The following THSD7B variants were observed in gnomAD, a reference collection of about 807,000 sequenced individuals.
THSD7B encodes thrombospondin type 1 domain containing 7B, also known as thrombospondin type-1 domain-containing protein 7B.
THSD7B carries 138 observed loss-of-function variants against 213.6 expected under a neutral mutation model. That is an observed-to-expected ratio of 0.65 (90% confidence interval 0.56 to 0.74). THSD7B has a LOEUF of 0.74. THSD7B is among the 30% of genes least tolerant of loss of function. The pLI is 0.00. For missense variants in THSD7B, 1,931 were observed against 1,991.5 expected, an observed-to-expected ratio of 0.97 and a Z score of 0.58; for synonymous variants, 742 against 687.0, an observed-to-expected ratio of 1.08 and a Z score of -1.25.
intron 12 of THSD7B, among the ~76,000 whole-genome samples, chr2:137,383,043 G>T (rs1422699612): frequency 1.3e-5 from 2 of 152,186 alleles, no homozygotes; most frequent in Non-Finnish European, 2.9e-5. Context: ...ATGGTAATCT[G>T]TACCAATAGC....
rs1680720748 is a variant in THSD7B, at chr2:137,546,408, ATATATATTATATATATT to A, written c.3139-16812_3139-16796del. On this transcript the variant is annotated intron_variant, in intron 15 of 27. Transcript: ENST00000409968. ...ATATTATATATATTATATATATTAT[ATATATATTATATATATT>A]ATATATATATTATATATATTATATA... Among the ~76,000 whole-genome samples, 3 of 31,866 alleles carry A rather than the reference ATATATATTATATATATT, an allele frequency of 9.4e-5. 1 individual carries two copies. Among genetic ancestry groups the A allele is most frequent in the African/African-American group, 3.9e-4 (2 of 5,078 alleles). The allele number at this position is 31,866 out of a possible 152,430, so 20.9% of individuals were successfully genotyped here.
intron 5 of THSD7B, among the ~76,000 whole-genome samples, chr2:137,131,569 A>T (rs1688733282): frequency 6.6e-6 from 1 of 152,172 alleles, no homozygotes; most frequent in African/African-American, 2.4e-5. Flanking sequence ...AGGTGTAAGG[A>T]AGGGATCAAG....
rs70978213 is a variant in THSD7B at position 137,340,981 on chromosome 2, G to GTT, written c.2501-64614_2501-64613dup. ...TGGATCATACTCTAATTCTCTTTTT[G>GTT]TTTTTTTTTTTTTTTTTTTGAGGAA... On this transcript the variant is annotated intron_variant, in intron 12 of 27. Transcript: ENST00000409968. Among the ~76,000 whole-genome samples, 13 of 98,636 alleles carry GTT rather than the reference G, an allele frequency of 1.3e-4. 1 individual carries two copies. The highest frequency in any genetic ancestry group is 4.1e-4 in the African/African-American group (12 of 29,282). 64.7% of individuals were successfully genotyped at this position (98,636 alleles called of 152,430 possible). A position where few individuals can be genotyped will look rare whatever the true frequency, so the allele number is the denominator to read the frequency against.
intron 20 of THSD7B, among the ~76,000 whole-genome samples, chr2:137,621,939 C>A (rs898781954): frequency 1.6e-4 from 24 of 152,036 alleles, no homozygotes; most frequent in Admixed American, 1.6e-3. Context: ...GAGATCACAT[C>A]GTGAAAGAGG....
intron 18 of THSD7B, among the ~76,000 whole-genome samples, chr2:137,616,617 G>T (rs988002853): frequency 2.6e-5 from 4 of 152,136 alleles, no homozygotes; most frequent in Admixed American, 2.6e-4. Context: ...AAAATAAGTA[G>T]CAGAGAATAA....
At chr2:137,322,777 ACT>A (rs1684288959) in intron 12 of THSD7B, among the ~76,000 whole-genome samples, 1 of 152,088 alleles carries the variant, frequency 6.6e-6, no homozygotes, top group South Asian at 2.1e-4. Context: ...GCCGTAGAAT[ACT>A]CTCTAATCCA....
intron 3 of THSD7B, among the ~76,000 whole-genome samples, chr2:137,073,216 T>A (rs1190175079): frequency 6.6e-6 from 1 of 152,204 alleles, no homozygotes; most frequent in Admixed American, 6.5e-5. Flanking sequence ...AGAATTCGGC[T>A]GTGAATCCAT....
chr2:137,530,445 A>G (rs993719864), intron 15 of THSD7B, among the ~76,000 whole-genome samples: 2 of 152,024 alleles, frequency 1.3e-5, no homozygotes, highest in African/African-American at 2.4e-5. Context: ...AACAACTGAA[A>G]TGGGACTAAA....
chr2:137,548,812 G>A (rs1450122754), intron 15 of THSD7B, among the ~76,000 whole-genome samples: 7 of 152,016 alleles, frequency 4.6e-5, no homozygotes, highest in Non-Finnish European at 2.9e-5. Flanking sequence ...ACAAATGTAG[G>A]ATTTCTCTGC....
chr2:137,089,713 A>G (rs542066104), intron 3 of THSD7B, among the ~76,000 whole-genome samples: 1 of 151,794 alleles, frequency 6.6e-6, no homozygotes, highest in Admixed American at 6.6e-5. Flanking sequence ...TGCAGTGTAG[A>G]CTGCTTGGGT....
At chr2:137,509,964 T>G (rs1049394674) in intron 15 of THSD7B, among the ~76,000 whole-genome samples, 1 of 152,220 alleles carries the variant, frequency 6.6e-6, no homozygotes, top group Non-Finnish European at 1.5e-5. Context: ...TTATTGTTCG[T>G]TTGGTTTTAA....
At chr2:137,038,068 A>G (rs1437461444) in intron 2 of THSD7B, among the ~76,000 whole-genome samples, 1 of 152,214 alleles carries the variant, frequency 6.6e-6, no homozygotes, top group Non-Finnish European at 1.5e-5. Context: ...AACATAGGAT[A>G]GAACTCTAAT....
intron 1 of THSD7B, among the ~76,000 whole-genome samples, chr2:136,821,855 C>G (rs1242689659): frequency 6.6e-6 from 1 of 152,188 alleles, no homozygotes. Flanking sequence ...CTGTGGATCT[C>G]CTTGCTCTGT....
At chr2:136,769,591 C>T (rs1427892326) in intron 1 of THSD7B, among the ~76,000 whole-genome samples, 1 of 152,102 alleles carries the variant, frequency 6.6e-6, no homozygotes, top group Non-Finnish European at 1.5e-5. Context: ...ATAAGAACTA[C>T]TTTAAGTGTG....
intron 2 of THSD7B, among the ~76,000 whole-genome samples, chr2:137,037,727 A>G (rs561227918): frequency 2.6e-4 from 39 of 152,260 alleles, no homozygotes; most frequent in African/African-American, 8.2e-4. Flanking sequence ...TTGTATCTTA[A>G]TATTTTTTTT....
chr2:137,473,274 C>A (rs1009687177), intron 15 of THSD7B, among the ~76,000 whole-genome samples: 2 of 151,892 alleles, frequency 1.3e-5, no homozygotes, highest in Admixed American at 6.6e-5. Context: ...GGCTGGAGTG[C>A]GGTGGTGCGA....
intron 4 of THSD7B, among the ~76,000 whole-genome samples, chr2:137,110,495 G>A (rs1688329112): frequency 1.3e-5 from 2 of 152,086 alleles, no homozygotes; most frequent in African/African-American, 4.8e-5. Flanking sequence ...TTTCTCAGAG[G>A]TTTGGGGTTC....
chr2:137,557,631 A>G (rs1378793136), intron 15 of THSD7B, among the ~76,000 whole-genome samples: 1 of 152,180 alleles, frequency 6.6e-6, no homozygotes, highest in Non-Finnish European at 1.5e-5. Flanking sequence ...TAAAATTGAC[A>G]CCCTAACATC....
rs943042466 is a variant in THSD7B at position 137,244,558 on chromosome 2, A to G, written c.2266+1986A>G. ...AAGGAAACGGAATCACAGGGCATGT[A>G]AAGTAATTGTTCCTCAAGCAACTTT... On this transcript the variant is annotated intron_variant, in intron 10 of 27. Coordinates refer to ENST00000409968, the MANE Select transcript of THSD7B (RefSeq NM_001316349.2). Among the ~76,000 whole-genome samples, 157 of 152,304 alleles carry G rather than the reference A, an allele frequency of 1.0e-3. 3 individuals are homozygous for G. Among genetic ancestry groups the G allele is most frequent in the Admixed American group, 0.01 (155 of 15,306 alleles).
Sources: gnomAD v4.1 joint callset for allele counts (sites outside exome capture counted in the v4.1 genomes callset) on GRCh38, gnomAD v4.1.1 for gene constraint, MANE v1.5 for transcripts, NCBI Gene and HGNC (gene_info 2026-07-23, HGNC 2026-07-21) for gene names.